Variants in FSTL5 observed in about 807,000 individuals in gnomAD.
The protein encoded by FSTL5 is follistatin-related protein 5.
In FSTL5, 62 loss-of-function variants were observed where a neutral mutation model predicts 89.1. That is an observed-to-expected ratio of 0.70 (90% CI 0.57 to 0.86). The LOEUF is 0.86. FSTL5 is among the 40% of genes least tolerant of loss of function. FSTL5 has a pLI of 0.00. For synonymous variants in FSTL5, 383 were observed against 346.2 expected, an observed-to-expected ratio of 1.11 and a Z score of -1.18; for missense variants, 1,057 against 1,001.6, an observed-to-expected ratio of 1.06 and a Z score of -0.75.
chr4:161,919,052 A>G (rs1733919188), intron 4 of FSTL5, among the ~76,000 whole-genome samples: 1 of 152,156 alleles, frequency 6.6e-6, no homozygotes, highest in Admixed American at 6.5e-5. Context: ...CATATTATAT[A>G]TTATGTACAT....
chr4:162,148,709 T>C (rs1210392131), intron 1 of FSTL5, among the ~76,000 whole-genome samples: 1 of 152,232 alleles, frequency 6.6e-6, no homozygotes, highest in African/African-American at 2.4e-5. Context: ...CATTATTTTA[T>C]AATGCCTTCT....
intron 15 of FSTL5, among the ~76,000 whole-genome samples, chr4:161,441,444 T>C (rs1451170559): frequency 6.6e-6 from 1 of 152,100 alleles, no homozygotes; most frequent in Non-Finnish European, 1.5e-5. Flanking sequence ...ATATCAGCCA[T>C]GAGGTGGTTG....
intron 3 of FSTL5, among the ~76,000 whole-genome samples, chr4:162,031,714 G>A (rs1433136899): frequency 1.3e-5 from 2 of 152,096 alleles, no homozygotes; most frequent in Non-Finnish European, 2.9e-5. Flanking sequence ...GAGGAGGGAG[G>A]ATTATGAGGT....
At chr4:162,062,627 T>C (rs1390397325) in intron 2 of FSTL5, among the ~76,000 whole-genome samples, 2 of 151,372 alleles carry the variant, frequency 1.3e-5, no homozygotes, top group African/African-American at 4.8e-5. Flanking sequence ...TGGATTGATT[T>C]AATTATTATA....
chr4:161,789,631 T>G (rs1006864328), intron 4 of FSTL5, among the ~76,000 whole-genome samples: 1 of 152,228 alleles, frequency 6.6e-6, no homozygotes, highest in Non-Finnish European at 1.5e-5. Context: ...CTCGTTGCTT[T>G]ATAAATAATG....
chr4:161,797,556 T>C (rs1437790018), intron 4 of FSTL5, among the ~76,000 whole-genome samples: 1 of 151,604 alleles, frequency 6.6e-6, no homozygotes, highest in African/African-American at 2.4e-5. Context: ...AAATTAGAAA[T>C]TGAAATATAT....
At chr4:162,088,096 T>G (rs1049956070) in intron 2 of FSTL5, among the ~76,000 whole-genome samples, 5 of 152,058 alleles carry the variant, frequency 3.3e-5, no homozygotes, top group African/African-American at 1.2e-4. Context: ...TCCACCCCCA[T>G]TTTTTGTGAA....
At position 162,003,328 on chromosome 4, in the gene FSTL5, T is replaced by C; in HGVS notation, c.160+30297A>G. 1.3e-5 allele frequency among the ~76,000 whole-genome samples: 2 copies of C among 152,202 alleles called. 1 individual carries two copies. Among genetic ancestry groups the C allele is most frequent in the East Asian group, 3.8e-4 (2 of 5,198 alleles). ...TACCCAGTGGTACTATGAGGTTAGT[T>C]GTGTCATTCCCATTGAAGAGATGGG... On this transcript the variant is annotated intron_variant, in intron 3 of 15. Coordinates refer to ENST00000306100, the MANE Select transcript of FSTL5 (RefSeq NM_020116.5).
rs183394719 is a variant in FSTL5, at chr4:161,570,943, G to A, written c.1015+16512C>T. Among the ~76,000 whole-genome samples the A allele has an allele frequency of 1.4e-3, 217 of 151,920 alleles. 1 individual carries two copies. Among genetic ancestry groups the A allele is most frequent in the African/African-American group, 4.8e-3 (198 of 41,438 alleles). On this transcript the variant is annotated intron_variant, in intron 8 of 15. Coordinates refer to ENST00000306100, the MANE Select transcript of FSTL5 (RefSeq NM_020116.5). Reference sequence around the variant, plus strand: ...ATCCTGGCCAACATGGTGAAACCCCGTCTCTACTAAAAATACAAAAATTAG... The same window carrying A: ...ATCCTGGCCAACATGGTGAAACCCCATCTCTACTAAAAATACAAAAATTAG...
intron 3 of FSTL5, among the ~76,000 whole-genome samples, chr4:162,018,406 C>T (rs991337752): frequency 6.6e-6 from 1 of 152,082 alleles, no homozygotes; most frequent in African/African-American, 2.4e-5. Context: ...TTGTCAAAAA[C>T]CCTATTGATA....
At chr4:162,024,089 A>G (rs1466658859) in intron 3 of FSTL5, among the ~76,000 whole-genome samples, 2 of 152,180 alleles carry the variant, frequency 1.3e-5, no homozygotes, top group Admixed American at 1.3e-4. Context: ...GGTGTTTGAA[A>G]TGGTTAAGTG....
intron 6 of FSTL5, among the ~76,000 whole-genome samples, chr4:161,690,951 C>A (rs1048112651): frequency 6.6e-6 from 1 of 152,092 alleles, no homozygotes; most frequent in Admixed American, 6.5e-5. Flanking sequence ...TGGCCTCTAG[C>A]TACATTCATG....
At chr4:161,679,666 A>G (rs1031128587) in intron 6 of FSTL5, among the ~76,000 whole-genome samples, 1 of 151,884 alleles carries the variant, frequency 6.6e-6, no homozygotes, top group Non-Finnish European at 1.5e-5. Context: ...TATTGAATAC[A>G]TAGAAAATAA....
chr4:162,128,018 C>A (rs1366254687), intron 1 of FSTL5, among the ~76,000 whole-genome samples: 1 of 152,094 alleles, frequency 6.6e-6, no homozygotes, highest in Non-Finnish European at 1.5e-5. Context: ...AGTTAATATG[C>A]TAAAGTTAAT....
intron 7 of FSTL5, among the ~76,000 whole-genome samples, chr4:161,622,815 T>C (rs1310235628): frequency 6.6e-6 from 1 of 152,098 alleles, no homozygotes; most frequent in Non-Finnish European, 1.5e-5. Context: ...CCACATTACT[T>C]AAACCTGAGT....
At chr4:161,786,649 A>G (rs570477346) in intron 4 of FSTL5, among the ~76,000 whole-genome samples, 1 of 152,230 alleles carries the variant, frequency 6.6e-6, no homozygotes, top group African/African-American at 2.4e-5. Flanking sequence ...TTCAAGTAAG[A>G]CTTGGTTCTG....
chr4:161,625,766 A>C (rs1443916466), intron 7 of FSTL5, among the ~76,000 whole-genome samples: 4 of 152,152 alleles, frequency 2.6e-5, no homozygotes. Context: ...TCCAAGTTTT[A>C]AATGCAAAGG....
At chr4:161,531,229 C>T (rs1006657586) in intron 10 of FSTL5, among the ~76,000 whole-genome samples, 2 of 152,136 alleles carry the variant, frequency 1.3e-5, no homozygotes, top group African/African-American at 4.8e-5. Flanking sequence ...TTTCCCACTT[C>T]AAAGATTAGG....
intron 1 of FSTL5, among the ~76,000 whole-genome samples, chr4:162,117,539 AGAG>A (rs1160156476): frequency 1.3e-5 from 2 of 152,200 alleles, no homozygotes; most frequent in African/African-American, 4.8e-5. Context: ...ATGTGATTAG[AGAG>A]GAGAAGAGGT....
Sources: gnomAD v4.1 joint callset for allele counts (sites outside exome capture counted in the v4.1 genomes callset) on GRCh38, gnomAD v4.1.1 for gene constraint, MANE v1.5 for transcripts, NCBI Gene and HGNC (gene_info 2026-07-23, HGNC 2026-07-21) for gene names.